The following CHODL variants were observed in gnomAD, a reference collection of about 807,000 sequenced individuals.
CHODL encodes transmembrane protein MT75.
A neutral mutation model predicts 34.5 loss-of-function variants in CHODL; 29 were observed. That is an observed-to-expected ratio of 0.84 (90% CI 0.63 to 1.15). CHODL has a LOEUF of 1.15. Ranked by LOEUF, CHODL falls within the 50% of genes most tolerant of loss-of-function variation. The pLI, the probability that CHODL is intolerant of heterozygous loss-of-function variation, is 0.00. For missense variants in CHODL, 332 were observed against 332.5 expected, an observed-to-expected ratio of 1.00 and a Z score of 0.01; for synonymous variants, 125 against 116.1, an observed-to-expected ratio of 1.08 and a Z score of -0.49.
chr21:18,127,688 T>G lies in CHODL; in HGVS notation c.-45+99717T>G, dbSNP rs1157353910. 1.2e-4 allele frequency among the ~76,000 whole-genome samples: 17 copies of G among 145,610 alleles called. 1 individual carries two copies. In the South Asian group the frequency reaches 3.5e-3, roughly 30 times the overall value. On this transcript the variant is annotated intron_variant, in intron 2 of 6. Transcript: ENST00000400127. ...GTTGCCATTGTTTTTTTTTTTTTTTTTTTTTTTTTTTTTAGCTTAAAACAG... is the reference window on the plus strand; with the variant it reads ...GTTGCCATTGTTTTTTTTTTTTTTTGTTTTTTTTTTTTTAGCTTAAAACAG...
chr21:18,194,372 T>A (rs11702723), intron 2 of CHODL, among the ~76,000 whole-genome samples: 11,305 of 152,268 alleles, frequency 0.074, 536 homozygotes, highest in Middle Eastern at 0.18. Context: ...TAGGTCTCCA[T>A]GCTTCAGCCC....
intron 2 of CHODL, among the ~76,000 whole-genome samples, chr21:18,212,780 A>G (rs1397488356): frequency 1.3e-5 from 2 of 152,128 alleles, no homozygotes; most frequent in African/African-American, 4.8e-5. Flanking sequence ...CTTCATCTAT[A>G]TAAAAATTGT....
chr21:17,922,720 A>G lies in CHODL; in HGVS notation c.-145+5320A>G, dbSNP rs571115077. Among the ~76,000 whole-genome samples the G allele has an allele frequency of 1.1e-4, 16 of 152,268 alleles. No individual in the cohort carries two copies. In the South Asian group the frequency reaches 3.3e-3, roughly 32 times the overall value. ...CTTATGAGGTCTTAGCTTTAAGTTT[A>G]TTCTTTTACTGAATGCACTGAGATG... On this transcript the variant is annotated intron_variant, in intron 1 of 6. Transcript: ENST00000400127.
At chr21:18,187,134 T>A (rs1381665052) in intron 2 of CHODL, among the ~76,000 whole-genome samples, 1 of 152,182 alleles carries the variant, frequency 6.6e-6, no homozygotes, top group Non-Finnish European at 1.5e-5. Context: ...ATCTGAGGGT[T>A]CTCATTTTCA....
chr21:18,149,561 T>G (rs151230896), intron 2 of CHODL, among the ~76,000 whole-genome samples: 7 of 152,326 alleles, frequency 4.6e-5, no homozygotes, highest in Non-Finnish European at 8.8e-5. Context: ...CAGAGCTGTT[T>G]TAACTCTCTG....
intron 2 of CHODL, among the ~76,000 whole-genome samples, chr21:18,110,081 G>A (rs1168563746): frequency 6.6e-6 from 1 of 152,158 alleles, no homozygotes. Context: ...GGGATGCTGT[G>A]CAACTTTATG....
chr21:17,988,555 C>A (rs1446989171), intron 1 of CHODL, among the ~76,000 whole-genome samples: 2 of 87,192 alleles, frequency 2.3e-5, no homozygotes, highest in Admixed American at 2.7e-4. Context: ...CCCCTCCCCC[C>A]ACCCCACAAC....
intron 1 of CHODL, among the ~76,000 whole-genome samples, chr21:17,943,073 A>G (rs916534586): frequency 4.6e-5 from 7 of 152,192 alleles, no homozygotes; most frequent in African/African-American, 1.7e-4. Context: ...CTGTGAGTCT[A>G]TTAAACCTCT....
intron 2 of CHODL, among the ~76,000 whole-genome samples, chr21:18,051,090 C>T (rs1220389238): frequency 1.3e-5 from 2 of 151,958 alleles, no homozygotes; most frequent in East Asian, 2.0e-4. Flanking sequence ...TCCCCCAGCC[C>T]CTGACAGGAC....
At chr21:18,243,962 T>G (rs955218794), upstream of CHODL, among the ~76,000 whole-genome samples, 3 of 152,218 alleles carry the variant, frequency 2.0e-5, no homozygotes, top group African/African-American at 7.2e-5. Context: ...AAGCTCATTA[T>G]GAGAACATTT....
At chr21:17,947,574 C>T (rs2063421666) in intron 1 of CHODL, among the ~76,000 whole-genome samples, 2 of 151,178 alleles carry the variant, frequency 1.3e-5, no homozygotes. Flanking sequence ...CACATAACTT[C>T]ATTAAAAAGT....
intron 2 of CHODL, among the ~76,000 whole-genome samples, chr21:18,161,292 C>T (rs567863987): frequency 2.0e-5 from 3 of 152,204 alleles, no homozygotes; most frequent in East Asian, 1.9e-4. Flanking sequence ...TTAGCTTGAA[C>T]GAAGAATCTT....
chr21:18,140,992 T>C (rs1337526327), intron 2 of CHODL, among the ~76,000 whole-genome samples: 1 of 148,718 alleles, frequency 6.7e-6, no homozygotes, highest in Non-Finnish European at 1.5e-5. Flanking sequence ...ACATTAGCTA[T>C]TTAGATATCA....
At chr21:18,037,579 G>GAT in intron 2 of CHODL, among the ~76,000 whole-genome samples, 1 of 151,942 alleles carries the variant, frequency 6.6e-6, no homozygotes, top group African/African-American at 2.4e-5. Flanking sequence ...AAGTAGTAAT[G>GAT]AGAAGTGTTA....
intron 1 of CHODL, among the ~76,000 whole-genome samples, chr21:17,948,584 AC>A (rs1157893592): frequency 3.3e-5 from 5 of 152,094 alleles, no homozygotes; most frequent in African/African-American, 1.2e-4. Context: ...AGACATTACA[AC>A]TACAGAAATA....
chr21:18,179,846 A>G (rs1048242657), intron 2 of CHODL, among the ~76,000 whole-genome samples: 1 of 152,196 alleles, frequency 6.6e-6, no homozygotes, highest in Non-Finnish European at 1.5e-5. Flanking sequence ...TTTGTTGACA[A>G]CATATGACCT....
At chr21:18,262,548 G>C (rs1012461839) in intron 4 of CHODL, among the ~76,000 whole-genome samples, 1 of 152,086 alleles carries the variant, frequency 6.6e-6, no homozygotes, top group African/African-American at 2.4e-5. Flanking sequence ...CCTATGTAGG[G>C]CAGCTCCATT....
intron 2 of CHODL, among the ~76,000 whole-genome samples, chr21:18,221,855 A>G (rs1195499439): frequency 6.6e-6 from 1 of 152,208 alleles, no homozygotes; most frequent in Non-Finnish European, 1.5e-5. Flanking sequence ...GGGCAGCAGG[A>G]CAGTTGTGCC....
intron 2 of CHODL, among the ~76,000 whole-genome samples, chr21:18,125,033 G>T (rs1028294088): frequency 6.6e-6 from 1 of 152,188 alleles, no homozygotes; most frequent in South Asian, 2.1e-4. Context: ...AAATATACAT[G>T]CATCAGTAGT....
Sources: allele counts gnomAD v4.1 joint callset (sites outside exome capture counted in the v4.1 genomes callset), GRCh38; gene constraint gnomAD v4.1.1; transcripts MANE v1.5; gene names NCBI Gene and HGNC (gene_info 2026-07-23, HGNC 2026-07-21).